Variants in SMOC2 observed in about 807,000 individuals in gnomAD.
SMOC2 encodes SPARC-related modular calcium-binding protein 2.
A neutral mutation model predicts 61.4 loss-of-function variants in SMOC2; 39 were observed. The ratio of observed to expected loss-of-function variants is 0.64; its 90% CI spans 0.49 to 0.83. The LOEUF is 0.83. SMOC2 is among the 40% of genes least tolerant of loss of function. SMOC2 has a pLI of 0.00. For synonymous variants in SMOC2, 247 were observed against 239.9 expected (o/e 1.03, Z -0.27); for missense variants, 556 against 592.9 (o/e 0.94, Z 0.65).
intron 9 of SMOC2, among the ~76,000 whole-genome samples, chr6:168,613,924 C>T (rs1437860401): frequency 1.2e-5 from 1 of 84,820 alleles, no homozygotes; most frequent in African/African-American, 4.9e-5. Context: ...GGCCTCTTCA[C>T]ACCTACAGCC....
intron 6 of SMOC2, 130 bp from the exon 7 acceptor site, chr6:168,548,998 CT>C: frequency 1.5e-6 from 1 of 686,260 alleles, no homozygotes; most frequent in South Asian, 1.8e-5. Context: ...GTAACTATTT[CT>C]TTACAAATGT....
At chr6:168,595,248 C>CGAG (rs1554247017) in intron 7 of SMOC2, among the ~76,000 whole-genome samples, 4 of 79,282 alleles carry the variant, frequency 5.0e-5, no homozygotes, top group Non-Finnish European at 1.1e-4. Context: ...TGAGGCCTCA[C>CGAG]GGGCATCTTT....
intron 1 of SMOC2, among the ~76,000 whole-genome samples, chr6:168,504,217 C>T (rs1782809986): frequency 6.6e-6 from 1 of 151,958 alleles, no homozygotes; most frequent in African/African-American, 2.4e-5. Flanking sequence ...GAACGTTTGA[C>T]ATTTTTTCCA....
chr6:168,617,310 C>T (rs151269716), intron 9 of SMOC2, among the ~76,000 whole-genome samples: 80 of 152,210 alleles, frequency 5.3e-4, no homozygotes, highest in African/African-American at 1.8e-3. Context: ...GGGTGCTGGG[C>T]GCTTTTTCTG....
intron 4 of SMOC2, among the ~76,000 whole-genome samples, chr6:168,528,001 G>A (rs1301129903): frequency 6.6e-6 from 1 of 152,232 alleles, no homozygotes; most frequent in East Asian, 1.9e-4. Flanking sequence ...ATCATGATGG[G>A]TTAAGATGAT....
At chr6:168,595,333 A>C (rs1459470650) in intron 7 of SMOC2, among the ~76,000 whole-genome samples, 2 of 152,154 alleles carry the variant, frequency 1.3e-5, no homozygotes, top group Non-Finnish European at 2.9e-5. Flanking sequence ...CCAAGACGGA[A>C]ATCTCCCGTG....
chr6:168,566,756 C>T (rs1784553203), intron 7 of SMOC2, among the ~76,000 whole-genome samples: 1 of 152,140 alleles, frequency 6.6e-6, no homozygotes, highest in Non-Finnish European at 1.5e-5. Context: ...GTCTCAGCCT[C>T]CCAAAGTGCT....
At chr6:168,608,836 C>CT (rs917014519) in intron 9 of SMOC2, among the ~76,000 whole-genome samples, 2 of 152,156 alleles carry the variant, frequency 1.3e-5, no homozygotes, top group Non-Finnish European at 2.9e-5. Flanking sequence ...TCATTTTGAT[C>CT]TTTTTTTCTC....
At chr6:168,627,890 C>A (rs1377621764) in intron 9 of SMOC2, among the ~76,000 whole-genome samples, 1 of 152,258 alleles carries the variant, frequency 6.6e-6, no homozygotes, top group African/African-American at 2.4e-5. Flanking sequence ...GAAAGGCCCA[C>A]AGGAGGGGCC....
At chr6:168,626,900 G>A (rs562063073) in intron 9 of SMOC2, among the ~76,000 whole-genome samples, 12 of 152,152 alleles carry the variant, frequency 7.9e-5, no homozygotes, top group South Asian at 2.1e-4. Flanking sequence ...GTTCTCTGTT[G>A]CCTGAGTTGG....
chr6:168,441,691 G>C (rs1321990393), intron 1 of SMOC2, among the ~76,000 whole-genome samples: 2 of 152,160 alleles, frequency 1.3e-5, no homozygotes, highest in Non-Finnish European at 2.9e-5. Context: ...GTCCTGCTGC[G>C]GCTGCGACGG....
rs931778511 is a variant in SMOC2, at chr6:168,651,730, A to G, written c.1010+947A>G. Among the ~76,000 whole-genome samples, 21 of 152,304 alleles carry G rather than the reference A, an allele frequency of 1.4e-4. No homozygotes were observed. In the South Asian group the frequency reaches 1.5e-3, roughly 11 times the overall value. ...GCAATACTAACAGAAAATGTCATGA[A>G]TGTGTAGGAAATTAAATTTAATAGA... On this transcript the variant is annotated intron_variant, in intron 10 of 12. Coordinates refer to ENST00000356284, the MANE Select transcript of SMOC2 (RefSeq NM_001166412.2).
At chr6:168,513,006 G>A (rs1783045148) in intron 2 of SMOC2, among the ~76,000 whole-genome samples, 1 of 144,790 alleles carries the variant, frequency 6.9e-6, no homozygotes, top group African/African-American at 2.5e-5. Flanking sequence ...ACACAGATGT[G>A]AAATATCTTT....
In SMOC2 at chr6:168,664,692, C is replaced by CA. The variant is rs369785561; in HGVS notation, c.1323+582dup. 3.5e-4 allele frequency: 166 copies of CA among 470,850 alleles called. 1 individual carries two copies. The highest frequency in any genetic ancestry group is 2.8e-3 in the African/African-American group (141 of 50,174). 29.2% of individuals were successfully genotyped at this position (470,850 alleles called of 1,614,324 possible). A position where few individuals can be genotyped will look rare whatever the true frequency, so the allele number is the denominator to read the frequency against. ...TCGGCTCCTGCTGTGTGTTCACAAA[C>CA]ATGTGTTGTGTTTCTGGCTCTCCCT... On this transcript the variant is annotated intron_variant, in intron 12 of 12. Transcript: ENST00000356284.
Position 168,526,360 on chromosome 6 carries a change from G to T in SMOC2, c.271G>T (p.Val91Leu), listed in dbSNP as rs891295080. ...CTTCCCTACAGACGTGTCCAGGTGTGTGGCCGAAAGGAAGTATACCCAGGA... is the reference window on the plus strand; with the variant it reads ...CTTCCCTACAGACGTGTCCAGGTGTTTGGCCGAAAGGAAGTATACCCAGGA... ...RGNCKDVSRCVAERKYTQEQA... is the reference protein window; with the variant it reads ...RGNCKDVSRCLAERKYTQEQA... Residue 91 changes from valine to leucine, a missense_variant, in exon 3 of 13, where the codon GTG becomes TTG. By Grantham distance (32) the Val-to-Leu change is conservative. Transcript: ENST00000356284. 2 of 1,614,088 alleles carry T rather than the reference G, an allele frequency of 1.2e-6. No homozygotes were observed. Among genetic ancestry groups the T allele is most frequent in the African/African-American group, 2.7e-5 (2 of 74,928 alleles).
At chr6:168,634,582 GAA>G (rs2115251514) in intron 9 of SMOC2, among the ~76,000 whole-genome samples, 1 of 152,352 alleles carries the variant, frequency 6.6e-6, no homozygotes, top group Non-Finnish European at 1.5e-5. Flanking sequence ...TCCTGAGAGA[GAA>G]GTCCAGCAAT....
chr6:168,575,686 C>T (rs1784785885), intron 7 of SMOC2, among the ~76,000 whole-genome samples: 1 of 152,234 alleles, frequency 6.6e-6, no homozygotes, highest in Non-Finnish European at 1.5e-5. Context: ...TGCTAAATAG[C>T]ACCCACACTG....
intron 2 of SMOC2, among the ~76,000 whole-genome samples, chr6:168,520,508 G>T (rs1783304086): frequency 1.3e-5 from 2 of 152,226 alleles, no homozygotes; most frequent in Admixed American, 6.5e-5. Context: ...GCCTGAACTT[G>T]AAGAGTTTAC....
At chr6:168,521,094 A>C (rs945137996) in intron 2 of SMOC2, among the ~76,000 whole-genome samples, 2 of 152,224 alleles carry the variant, frequency 1.3e-5, no homozygotes, top group Non-Finnish European at 2.9e-5. Flanking sequence ...ATTATAAAAC[A>C]CTGTTTTCAT....
Sources: gnomAD v4.1 joint callset for allele counts (sites outside exome capture counted in the v4.1 genomes callset) on GRCh38, gnomAD v4.1.1 for gene constraint, MANE v1.5 for transcripts, NCBI Gene and HGNC (gene_info 2026-07-23, HGNC 2026-07-21) for gene names.